Variants in THSD7B observed in about 807,000 individuals in gnomAD.
THSD7B encodes thrombospondin type 1 domain containing 7B, also known as thrombospondin type-1 domain-containing protein 7B.
Under a neutral mutation model 213.6 loss-of-function variants are expected in THSD7B, and 138 were observed. The observed-to-expected ratio is 0.65, with a 90% confidence interval of 0.56 to 0.74. The LOEUF is 0.74. Among genes scored for constraint, THSD7B ranks in the 30% least tolerant of loss-of-function variants. THSD7B has a pLI of 0.00. For missense variants in THSD7B, 1,931 were observed against 1,991.5 expected (o/e 0.97, Z 0.58); for synonymous variants, 742 against 687.0 (o/e 1.08, Z -1.25).
In THSD7B at chr2:137,373,467, C is replaced by T. The variant is rs1248470253; in HGVS notation, c.2501-32146C>T. Among the ~76,000 whole-genome samples the T allele has an allele frequency of 3.9e-5, 6 of 152,264 alleles. No homozygotes were observed. In the East Asian group the frequency reaches 1.2e-3, roughly 29 times the overall value. On this transcript the variant is annotated intron_variant, in intron 12 of 27. Transcript: ENST00000409968. ...TGGCCAGTGATGGTGAGCATTTTTT[C>T]ATGTGTTTTTTGGCTGCATAAATGT...
At chr2:137,435,181 G>A (rs148585907) in intron 14 of THSD7B, among the ~76,000 whole-genome samples, 1 of 152,136 alleles carries the variant, frequency 6.6e-6, no homozygotes, top group African/African-American at 2.4e-5. Context: ...TTCCATTTAA[G>A]TTGCAGTTAA....
At chr2:137,165,310 G>A (rs1271555305) in intron 6 of THSD7B, among the ~76,000 whole-genome samples, 1 of 152,168 alleles carries the variant, frequency 6.6e-6, no homozygotes, top group Non-Finnish European at 1.5e-5. Context: ...GAGAATTTTG[G>A]TTTGTAAGGT....
chr2:137,434,457 C>T (rs1056231160), intron 14 of THSD7B, among the ~76,000 whole-genome samples: 2 of 152,104 alleles, frequency 1.3e-5, no homozygotes, highest in Non-Finnish European at 2.9e-5. Flanking sequence ...TTGTGTTAAC[C>T]CCGTATGGCA....
At chr2:137,577,559 A>G (rs913195612) in intron 17 of THSD7B, among the ~76,000 whole-genome samples, 1 of 152,048 alleles carries the variant, frequency 6.6e-6, no homozygotes, top group Non-Finnish European at 1.5e-5. Flanking sequence ...CTCAGTTATA[A>G]AAAACATTAT....
intron 15 of THSD7B, among the ~76,000 whole-genome samples, chr2:137,463,333 A>G (rs1687926303): frequency 6.6e-6 from 1 of 152,134 alleles, no homozygotes; most frequent in Non-Finnish European, 1.5e-5. Flanking sequence ...TTGCTAATTT[A>G]AAGGGACATT....
At chr2:137,640,312 C>T (rs973392528) in intron 20 of THSD7B, among the ~76,000 whole-genome samples, 19 of 152,296 alleles carry the variant, frequency 1.2e-4, no homozygotes, top group Non-Finnish European at 1.2e-4. Flanking sequence ...CTTTCACCTC[C>T]CATCATGGTT....
chr2:136,964,416 C>G (rs1685279683), intron 2 of THSD7B, among the ~76,000 whole-genome samples: 1 of 151,968 alleles, frequency 6.6e-6, no homozygotes, highest in African/African-American at 2.4e-5. Context: ...CACAGTGAGA[C>G]CCTGTCTCTA....
At chr2:137,165,623 A>G (rs184535157) in intron 6 of THSD7B, among the ~76,000 whole-genome samples, 1 of 152,276 alleles carries the variant, frequency 6.6e-6, no homozygotes, top group African/African-American at 2.4e-5. Flanking sequence ...AGGCTAATGC[A>G]TTAAACATTG....
At position 137,509,010 on chromosome 2, in the gene THSD7B, C is replaced by A. The variant is rs148322642; in HGVS notation, c.3139-54211C>A. Among the ~76,000 whole-genome samples, 623 of 152,160 alleles carry A rather than the reference C, an allele frequency of 4.1e-3. 3 individuals are homozygous for A. The highest frequency in any genetic ancestry group is 0.014 in the African/African-American group (591 of 41,522). On this transcript the variant is annotated intron_variant, in intron 15 of 27. Coordinates refer to ENST00000409968, the MANE Select transcript of THSD7B (RefSeq NM_001316349.2). The stretch of plus-strand genomic sequence containing the variant: ...TTACCACTATGAGGTCGTCCTGGGG[C>A]ACCATGGGCAGGTTGACACTAATTC...
intron 1 of THSD7B, among the ~76,000 whole-genome samples, chr2:136,815,980 G>C (rs971331488): frequency 6.6e-6 from 1 of 152,118 alleles, no homozygotes; most frequent in Non-Finnish European, 1.5e-5. Context: ...TGCCTCCTGG[G>C]CTCAAGTGAT....
chr2:136,894,882 C>T (rs1683928384), intron 2 of THSD7B, among the ~76,000 whole-genome samples: 1 of 152,092 alleles, frequency 6.6e-6, no homozygotes, highest in Non-Finnish European at 1.5e-5. Context: ...TATTGGGCCT[C>T]CAATATTTTC....
At chr2:136,819,483 C>G (rs1200237190) in intron 1 of THSD7B, among the ~76,000 whole-genome samples, 1 of 152,116 alleles carries the variant, frequency 6.6e-6, no homozygotes, top group Non-Finnish European at 1.5e-5. Context: ...GGGATTTACT[C>G]AGGAATAAGA....
At chr2:136,800,467 G>T (rs977203817) in intron 1 of THSD7B, among the ~76,000 whole-genome samples, 2 of 151,968 alleles carry the variant, frequency 1.3e-5, no homozygotes, top group Non-Finnish European at 2.9e-5. Context: ...CCCACAAAGA[G>T]AGTTGTAGCA....
chr2:137,154,932 G>T (rs1304373261), intron 5 of THSD7B, among the ~76,000 whole-genome samples: 4 of 152,062 alleles, frequency 2.6e-5, no homozygotes, highest in African/African-American at 9.7e-5. Flanking sequence ...TCTGTTCATG[G>T]AGGAATTCAT....
At chr2:137,379,763 T>C (rs1298239864) in intron 12 of THSD7B, among the ~76,000 whole-genome samples, 1 of 152,154 alleles carries the variant, frequency 6.6e-6, no homozygotes, top group African/African-American at 2.4e-5. Flanking sequence ...AGTTTGATCC[T>C]CTAATGAGGA....
At position 136,990,892 on chromosome 2, in the gene THSD7B, A is replaced by G. The variant is rs544025970; in HGVS notation, c.140-65528A>G. ...AAGTAAAATATTCAGAGGCGAAACG[A>G]TGCATAACACAGCAGATGAGGTGGT... is the stretch of plus-strand genomic sequence containing the variant. On this transcript the variant is annotated intron_variant, in intron 2 of 27. Transcript: ENST00000409968. 27 of 1,347,802 alleles carry G rather than the reference A, an allele frequency of 2.0e-5. No homozygotes were observed. In the African/African-American group the frequency reaches 4.0e-4, roughly 20 times the overall value. 83.5% of individuals were successfully genotyped at this position (1,347,802 alleles called of 1,614,324 possible). A position where few individuals can be genotyped will look rare whatever the true frequency, so the allele number is the denominator to read the frequency against.
At chr2:136,800,655 C>T (rs1003836724) in intron 1 of THSD7B, among the ~76,000 whole-genome samples, 1 of 151,732 alleles carries the variant, frequency 6.6e-6, no homozygotes, top group Non-Finnish European at 1.5e-5. Flanking sequence ...CAAGATGAGC[C>T]GTTTTTCAAG....
At chr2:137,051,460 G>T (rs1332108222) in intron 2 of THSD7B, among the ~76,000 whole-genome samples, 1 of 152,184 alleles carries the variant, frequency 6.6e-6, no homozygotes, top group East Asian at 1.9e-4. Context: ...AGTTGATGCG[G>T]TAGCTTTTTG....
At chr2:136,768,187 T>C (rs1558798827) in intron 1 of THSD7B, among the ~76,000 whole-genome samples, 1 of 152,176 alleles carries the variant, frequency 6.6e-6, no homozygotes, top group Non-Finnish European at 1.5e-5. Context: ...CTTGTCTGCT[T>C]GCTACAGATC....
Sources: gnomAD v4.1 joint callset for allele counts (sites outside exome capture counted in the v4.1 genomes callset) on GRCh38, gnomAD v4.1.1 for gene constraint, MANE v1.5 for transcripts, NCBI Gene and HGNC (gene_info 2026-07-23, HGNC 2026-07-21) for gene names.